SCLT1: variants seen among roughly 807,000 people sequenced by gnomAD.
The protein encoded by SCLT1 is sodium channel-associated protein 1.
A neutral mutation model predicts 112.8 loss-of-function variants in SCLT1; 78 were observed. That is an observed-to-expected ratio of 0.69 (90% confidence interval 0.58 to 0.83). The LOEUF is 0.83. Ranked by LOEUF, SCLT1 falls within the 40% of genes least tolerant of loss-of-function variation. SCLT1 has a pLI of 0.00. For missense variants in SCLT1, 747 were observed against 770.4 expected (o/e 0.97, Z 0.36); for synonymous variants, 257 against 254.7 (o/e 1.01, Z -0.09).
chr4:128,945,762 C>T (rs1271500522), intron 16 of SCLT1, among the ~76,000 whole-genome samples: 1 of 152,060 alleles, frequency 6.6e-6, no homozygotes, highest in Admixed American at 6.6e-5. Flanking sequence ...ATATTATAAA[C>T]ATCCTATTTA....
At chr4:128,901,623 T>C (rs1397524640) in intron 18 of SCLT1, among the ~76,000 whole-genome samples, 3 of 151,732 alleles carry the variant, frequency 2.0e-5, no homozygotes, top group Non-Finnish European at 4.4e-5. Context: ...TATACATATG[T>C]AACTAACCTG....
At chr4:129,067,743 C>G (rs1229846779) in intron 2 of SCLT1, among the ~76,000 whole-genome samples, 1 of 151,928 alleles carries the variant, frequency 6.6e-6, no homozygotes, top group East Asian at 1.9e-4. Flanking sequence ...AACTCCTGAC[C>G]TCAAGCGATC....
At chr4:128,900,485 T>A (rs574578860) in intron 18 of SCLT1, among the ~76,000 whole-genome samples, 1 of 152,160 alleles carries the variant, frequency 6.6e-6, no homozygotes, top group African/African-American at 2.4e-5. Context: ...TGTAGAAAGC[T>A]GAAACTGGAT....
chr4:128,921,426 A>G (rs932489709), intron 18 of SCLT1, among the ~76,000 whole-genome samples: 1 of 152,262 alleles, frequency 6.6e-6, no homozygotes, highest in Non-Finnish European at 1.5e-5. Flanking sequence ...CACAGCAACC[A>G]AAACAGCATG....
intron 5 of SCLT1, among the ~76,000 whole-genome samples, chr4:129,011,926 TTTC>T (rs1271642286): frequency 1.3e-5 from 2 of 152,100 alleles, no homozygotes; most frequent in Non-Finnish European, 2.9e-5. Context: ...TCTTCTCTCT[TTTC>T]TTCTTTATTA....
intron 6 of SCLT1, 84 bp downstream of exon 6, chr4:129,003,657 G>A (rs1743729475): frequency 1.9e-6 from 2 of 1,053,672 alleles, no homozygotes; most frequent in Non-Finnish European, 2.7e-6. Flanking sequence ...TTATTATTTT[G>A]TTATCCATAA....
intron 5 of SCLT1, chr4:128,874,187 A>G (rs947573457): frequency 1.3e-5 from 2 of 152,640 alleles, no homozygotes; most frequent in African/African-American, 4.8e-5. Flanking sequence ...GCATATGAGC[A>G]AAAACCTTTT....
intron 18 of SCLT1, among the ~76,000 whole-genome samples, chr4:128,914,541 A>G (rs1048508136): frequency 6.6e-6 from 1 of 152,134 alleles, no homozygotes; most frequent in Non-Finnish European, 1.5e-5. Flanking sequence ...GGGATAAATG[A>G]AGAGTTTGTA....
chr4:128,917,314 T>C (rs115204600), intron 18 of SCLT1, among the ~76,000 whole-genome samples: 1,985 of 152,268 alleles, frequency 0.013, 44 homozygotes, highest in African/African-American at 0.046. Flanking sequence ...CAAAGTAATA[T>C]AGTTAAAATA....
intron 18 of SCLT1, among the ~76,000 whole-genome samples, chr4:128,929,597 C>A (rs892988226): frequency 6.6e-6 from 1 of 151,958 alleles, no homozygotes; most frequent in African/African-American, 2.4e-5. Flanking sequence ...AAGTGTCTTA[C>A]AAAGGTATAA....
chr4:129,083,412 T>C (rs1752124941), intron 1 of SCLT1, among the ~76,000 whole-genome samples: 1 of 150,598 alleles, frequency 6.6e-6, no homozygotes, highest in Non-Finnish European at 1.5e-5. Context: ...AGACAGTATG[T>C]TATCTTACAA....
downstream of SCLT1, among the ~76,000 whole-genome samples, chr4:128,880,195 C>A (rs1732610087): frequency 1.3e-5 from 2 of 152,060 alleles, no homozygotes; most frequent in African/African-American, 4.8e-5. Flanking sequence ...GCAGTATGGG[C>A]CAGATTAAAA....
rs551904222 is a variant in SCLT1, at chr4:128,948,939, A to G, written c.1219-369T>C. Among the ~76,000 whole-genome samples, 5 of 152,332 alleles carry G rather than the reference A, an allele frequency of 3.3e-5. No individual in the cohort carries two copies. The East Asian group carries it at 5.8e-4, about 18-fold the overall frequency. ...GGCACAAAACCCTCAGGGATAACCTATGGCCTAAAGGATATGTGGGTGTAT... is the reference window on the plus strand; with the variant it reads ...GGCACAAAACCCTCAGGGATAACCTGTGGCCTAAAGGATATGTGGGTGTAT... On this transcript the variant is annotated intron_variant, in intron 14 of 20. Transcript: ENST00000281142.
intron 9 of SCLT1, among the ~76,000 whole-genome samples, chr4:128,977,208 T>C (rs1318194159): frequency 6.6e-6 from 1 of 152,214 alleles, no homozygotes; most frequent in Non-Finnish European, 1.5e-5. Flanking sequence ...CAAATATTTA[T>C]TGAATGCTTA....
At chr4:128,919,452 G>A (rs917194288) in intron 18 of SCLT1, among the ~76,000 whole-genome samples, 5 of 151,914 alleles carry the variant, frequency 3.3e-5, no homozygotes, top group Non-Finnish European at 5.9e-5. Flanking sequence ...AGTGCTAAAC[G>A]CCCTCAAAAA....
At chr4:128,919,493 A>G (rs1039870024) in intron 18 of SCLT1, among the ~76,000 whole-genome samples, 1 of 152,118 alleles carries the variant, frequency 6.6e-6, no homozygotes, top group Non-Finnish European at 1.5e-5. Context: ...ACAACTTAAC[A>G]TCACACCTAG....
chr4:129,040,392 T>C (rs550858753), intron 4 of SCLT1, among the ~76,000 whole-genome samples: 15 of 152,150 alleles, frequency 9.9e-5, no homozygotes, highest in South Asian at 6.2e-4. Flanking sequence ...TTTTAAATAA[T>C]TTTTTCCCCT....
chr4:128,908,206 GCCAGCTGCAGCAAGCACTTT>G (rs1208627392), intron 18 of SCLT1, among the ~76,000 whole-genome samples: 1 of 152,074 alleles, frequency 6.6e-6, no homozygotes, highest in Non-Finnish European at 1.5e-5. Flanking sequence ...TGATGGATCT[GCCAGCTGCAGCAAGCACTTT>G]CCTTGGAACT....
At chr4:129,067,048 G>C (rs1245209145) in intron 2 of SCLT1, among the ~76,000 whole-genome samples, 2 of 152,054 alleles carry the variant, frequency 1.3e-5, no homozygotes, top group African/African-American at 4.8e-5. Flanking sequence ...GTTAAGAACT[G>C]ACACAATTGG....
Sources: allele counts gnomAD v4.1 joint callset (sites outside exome capture counted in the v4.1 genomes callset), GRCh38; gene constraint gnomAD v4.1.1; transcripts MANE v1.5; gene names NCBI Gene and HGNC (gene_info 2026-07-23, HGNC 2026-07-21).